Variants in NECAB1 observed in about 807,000 individuals in gnomAD.
NECAB1 encodes the protein N-terminal EF-hand calcium binding protein 1.
In NECAB1, 29 loss-of-function variants were observed where a neutral mutation model predicts 57.5. The ratio of observed to expected loss-of-function variants is 0.50; its 90% CI spans 0.38 to 0.69. NECAB1 has a LOEUF of 0.69. Among genes scored for constraint, NECAB1 ranks in the 30% least tolerant of loss-of-function variants. The probability of loss-of-function intolerance (pLI) is 0.00; values close to 1 mark genes in which losing one functional copy is unlikely to be tolerated. For synonymous variants in NECAB1, 142 were observed against 147.7 expected, an observed-to-expected ratio of 0.96 and a Z score of 0.28; for missense variants, 372 against 413.8, an observed-to-expected ratio of 0.90 and a Z score of 0.88.
intron 5 of NECAB1, among the ~76,000 whole-genome samples, chr8:90,907,122 TTGTGTG>T (rs111590584): frequency 0.021 from 2,669 of 129,612 alleles, 108 homozygotes; most frequent in African/African-American, 0.076. Flanking sequence ...CCACCCAATT[TTGTGTG>T]TGTGTGTGTG....
Position 90,957,265 on chromosome 8 carries a change from C to T in NECAB1, c.*1753C>T, listed in dbSNP as rs1811048604. On this transcript the variant is annotated 3_prime_UTR_variant, in exon 13 of 13. Coordinates refer to ENST00000417640, the MANE Select transcript of NECAB1 (RefSeq NM_022351.5). The stretch of plus-strand genomic sequence containing the variant: ...TTTGTTGTAAATGGTTTCAAAAATA[C>T]AAATTATAGCCAATCAAAACATTGC... 1 of 151,918 alleles carries T rather than the reference C, an allele frequency of 6.6e-6. No individual in the cohort carries two copies. The highest frequency in any genetic ancestry group is 1.5e-5 in the Non-Finnish European group (1 of 67,910). 9.4% of individuals were successfully genotyped at this position (151,918 alleles called of 1,614,324 possible). A position where few individuals can be genotyped will look rare whatever the true frequency, so the allele number is the denominator to read the frequency against.
At chr8:90,891,219 A>G (rs1361459350) in intron 5 of NECAB1, among the ~76,000 whole-genome samples, 1 of 152,236 alleles carries the variant, frequency 6.6e-6, no homozygotes, top group Non-Finnish European at 1.5e-5. Flanking sequence ...TGAGAAATTT[A>G]GCATTTAATC....
intron 12 of NECAB1, 51 bp from the exon 13 acceptor site, chr8:90,955,436 T>C: frequency 7.2e-7 from 1 of 1,380,386 alleles, no homozygotes; most frequent in East Asian, 2.5e-5. Flanking sequence ...TGAATGTTCT[T>C]TGCCCTATAA....
intron 4 of NECAB1, among the ~76,000 whole-genome samples, chr8:90,875,463 G>A (rs1184097637): frequency 7.4e-6 from 1 of 134,594 alleles, no homozygotes; most frequent in Non-Finnish European, 1.5e-5. Context: ...AGTCCGGCCT[G>A]GGCGACAGAG....
intron 5 of NECAB1, among the ~76,000 whole-genome samples, chr8:90,892,377 T>G (rs1809203974): frequency 6.6e-6 from 1 of 152,218 alleles, no homozygotes; most frequent in East Asian, 1.9e-4. Context: ...ATTGATAGCA[T>G]CATAATTTCC....
At chr8:90,862,731 G>A (rs1049588568) in intron 3 of NECAB1, among the ~76,000 whole-genome samples, 9 of 152,038 alleles carry the variant, frequency 5.9e-5, no homozygotes, top group Non-Finnish European at 1.0e-4. Flanking sequence ...AAATTAATAA[G>A]TAGATTGGAA....
chr8:90,907,313 CTT>C (rs1809714201), intron 5 of NECAB1, among the ~76,000 whole-genome samples: 1 of 152,004 alleles, frequency 6.6e-6, no homozygotes, highest in Non-Finnish European at 1.5e-5. Flanking sequence ...GCCAGGAGAC[CTT>C]GACACAAACT....
intron 2 of NECAB1, 105 bp from the exon 3 acceptor site, chr8:90,824,612 A>G (rs887968851): frequency 1.2e-5 from 7 of 587,766 alleles, no homozygotes; most frequent in Non-Finnish European, 2.0e-5. Context: ...CTTTTTGAGT[A>G]CACGTGTGTA....
chr8:90,804,852 G>T (rs1811821988), intron 2 of NECAB1, among the ~76,000 whole-genome samples: 1 of 152,138 alleles, frequency 6.6e-6, no homozygotes, highest in South Asian at 2.1e-4. Context: ...AAGAGCATAG[G>T]TAATGACCTC....
At chr8:90,822,981 A>G (rs753008344) in intron 2 of NECAB1, among the ~76,000 whole-genome samples, 4 of 151,748 alleles carry the variant, frequency 2.6e-5, no homozygotes, top group Non-Finnish European at 5.9e-5. Context: ...GCAAGGAGAT[A>G]CACAGTAGAA....
intron 5 of NECAB1, among the ~76,000 whole-genome samples, chr8:90,888,254 G>A (rs1217295989): frequency 6.6e-6 from 1 of 152,138 alleles, no homozygotes; most frequent in African/African-American, 2.4e-5. Context: ...CGAGTACAAA[G>A]TACACTGTTC....
chr8:90,819,636 G>A (rs148792637), intron 2 of NECAB1, among the ~76,000 whole-genome samples: 22 of 152,042 alleles, frequency 1.4e-4, no homozygotes, highest in African/African-American at 5.3e-4. Context: ...TTCTGTGGTG[G>A]TAAGGAGTGG....
rs74334721 is a variant in NECAB1 at position 90,818,379 on chromosome 8, A to G, written c.125-6338A>G. 9.7e-3 allele frequency among the ~76,000 whole-genome samples: 1,472 copies of G among 152,034 alleles called. 29 individuals are homozygous for G. The highest frequency in any genetic ancestry group is 0.034 in the African/African-American group (1,395 of 41,514). On this transcript the variant is annotated intron_variant, in intron 2 of 12. Transcript: ENST00000417640. ...TTAGTGTCCTAAAGTTGAAGCTCAG[A>G]TATTGATTTTGGTTCTTTCTTCTTT...
chr8:90,955,980 G>A lies in NECAB1; in HGVS notation c.*468G>A, dbSNP rs1811024367. On this transcript the variant is annotated 3_prime_UTR_variant, in exon 13 of 13. Coordinates refer to ENST00000417640, the MANE Select transcript of NECAB1 (RefSeq NM_022351.5). ...TGAGTGAAGTTTATTCTTCAACAAT[G>A]TCTACTCCATCCCCAACCCAACTCA... is the stretch of plus-strand genomic sequence containing the variant. The A allele has an allele frequency of 6.5e-6, 1 of 152,916 alleles. No homozygotes were observed. The highest frequency in any genetic ancestry group is 2.4e-5 in the African/African-American group (1 of 41,438). The allele number at this position is 152,916 out of a possible 1,614,324, so 9.5% of individuals were successfully genotyped here. A position where few individuals can be genotyped will look rare whatever the true frequency, so the allele number is the denominator to read the frequency against.
At chr8:90,792,546 A>C (rs1811593662) in intron 1 of NECAB1, among the ~76,000 whole-genome samples, 1 of 151,786 alleles carries the variant, frequency 6.6e-6, no homozygotes, top group African/African-American at 2.4e-5. Context: ...CACCTCTTCT[A>C]TTTTCCCTTT....
rs183762011 is a variant in NECAB1 at position 90,876,111 on chromosome 8, C to T, written c.259+3958C>T. Among the ~76,000 whole-genome samples, 179 of 152,284 alleles carry T rather than the reference C, an allele frequency of 1.2e-3. 1 individual carries two copies. Among genetic ancestry groups the T allele is most frequent in the African/African-American group, 4.1e-3 (169 of 41,574 alleles). On this transcript the variant is annotated intron_variant, in intron 4 of 12. Transcript: ENST00000417640. ...TTCCCTTCATACCCAAGGTTCCTTTCGGTAGCTGTGCACTAAGCACCCAGG... is the reference window on the plus strand; with the variant it reads ...TTCCCTTCATACCCAAGGTTCCTTTTGGTAGCTGTGCACTAAGCACCCAGG...
At chr8:90,836,180 T>A (rs1296541504) in intron 3 of NECAB1, among the ~76,000 whole-genome samples, 3 of 152,200 alleles carry the variant, frequency 2.0e-5, no homozygotes, top group African/African-American at 7.2e-5. Context: ...TTTTTCCTGA[T>A]ATAATTATTG....
intron 1 of NECAB1, among the ~76,000 whole-genome samples, chr8:90,797,981 C>T (rs1811690620): frequency 1.3e-5 from 2 of 152,176 alleles, no homozygotes; most frequent in Non-Finnish European, 2.9e-5. Context: ...GTACCCTCCA[C>T]AGTTCTGGAG....
At chr8:90,865,682 C>A (rs1808499384) in intron 3 of NECAB1, among the ~76,000 whole-genome samples, 2 of 152,164 alleles carry the variant, frequency 1.3e-5, no homozygotes, top group Admixed American at 6.5e-5. Context: ...TATTTAATAA[C>A]CCATACAATA....
Sources: allele counts gnomAD v4.1 joint callset (sites outside exome capture counted in the v4.1 genomes callset), GRCh38; gene constraint gnomAD v4.1.1; transcripts MANE v1.5; gene names NCBI Gene and HGNC (gene_info 2026-07-23, HGNC 2026-07-21).